GPHN: variants seen among roughly 807,000 people sequenced by gnomAD.
GPHN encodes the protein gephyrin.
Under a neutral mutation model 95.5 loss-of-function variants are expected in GPHN, and 17 were observed. The ratio of observed to expected loss-of-function variants is 0.18; its 90% CI spans 0.12 to 0.27. GPHN has a LOEUF of 0.27. Ranked by LOEUF, GPHN falls within the 10% of genes least tolerant of loss-of-function variation. The pLI is 1.00. For missense variants in GPHN, 660 were observed against 978.1 expected, an observed-to-expected ratio of 0.67 and a Z score of 4.34; for synonymous variants, 320 against 322.5, an observed-to-expected ratio of 0.99 and a Z score of 0.08.
chr14:66,902,330 ACTT>A (rs2065161019), intron 5 of GPHN, among the ~76,000 whole-genome samples: 1 of 151,948 alleles, frequency 6.6e-6, no homozygotes, highest in African/African-American at 2.4e-5. Flanking sequence ...GTCTACTTTC[ACTT>A]CTTCTCTTCC....
At chr14:66,591,513 T>G (rs904309502) in intron 1 of GPHN, among the ~76,000 whole-genome samples, 1 of 143,428 alleles carries the variant, frequency 7.0e-6, no homozygotes, top group Non-Finnish European at 1.5e-5. Flanking sequence ...ACATCAATAA[T>G]AGAGAAACAG....
At chr14:67,576,891 T>G in the GPHN span, among the ~76,000 whole-genome samples, 1 of 152,192 alleles carries the variant, frequency 6.6e-6, no homozygotes, top group African/African-American at 2.4e-5. The surrounding 1 kb of genome is among the most constrained non-coding windows in gnomAD (Gnocchi z 4.0). Context: ...TTTCTTTTGC[T>G]ACTGATTATC....
At chr14:66,678,168 G>A (rs1342731895) in intron 1 of GPHN, among the ~76,000 whole-genome samples, 2 of 152,148 alleles carry the variant, frequency 1.3e-5, no homozygotes, top group African/African-American at 4.8e-5. Context: ...ATTATTTTAC[G>A]AAATAAGTTT....
intron 4 of GPHN, among the ~76,000 whole-genome samples, chr14:66,839,346 G>T (rs1356465858): frequency 6.6e-6 from 1 of 152,166 alleles, no homozygotes; most frequent in Non-Finnish European, 1.5e-5. Context: ...TTATAGCCAT[G>T]AGTGCCACTG....
chr14:66,529,139 T>C lies in GPHN; in HGVS notation c.64+20548T>C, dbSNP rs549938879. Among the ~76,000 whole-genome samples, 3 of 152,288 alleles carry C rather than the reference T, an allele frequency of 2.0e-5. No homozygotes were observed. The East Asian group carries it at 5.8e-4, about 29-fold the overall frequency. ...TTTGGTCTTTGTTAACATAGTCCCATATTTCTTGGAGGCTTTGTTTGTTCC... is the reference window on the plus strand; with the variant it reads ...TTTGGTCTTTGTTAACATAGTCCCACATTTCTTGGAGGCTTTGTTTGTTCC... On this transcript the variant is annotated intron_variant, in intron 1 of 22. Coordinates refer to ENST00000478722, the MANE Select transcript of GPHN (RefSeq NM_020806.5).
the GPHN span, chr14:67,360,044 C>T: frequency 2.2e-6 from 1 of 450,296 alleles, no homozygotes. Flanking sequence ...GCGAAGCGTG[C>T]ACGCCTTGTC....
chr14:67,415,372 A>G, the GPHN span, among the ~76,000 whole-genome samples: 1 of 152,242 alleles, frequency 6.6e-6, no homozygotes, highest in Non-Finnish European at 1.5e-5. Context: ...ACTGAATTTA[A>G]TCATTCCCAT....
chr14:67,013,865 T>A (rs1002435322), intron 9 of GPHN, among the ~76,000 whole-genome samples: 4 of 152,002 alleles, frequency 2.6e-5, no homozygotes, highest in African/African-American at 9.7e-5. Context: ...ACTCAGTATT[T>A]CAAACTTCAT....
intron 9 of GPHN, among the ~76,000 whole-genome samples, chr14:66,976,011 T>TA (rs2070193338): frequency 6.6e-6 from 1 of 152,210 alleles, no homozygotes. Flanking sequence ...CAGTATCAAC[T>TA]AAAAAATATT....
At chr14:66,624,441 T>C (rs1195822964) in intron 1 of GPHN, among the ~76,000 whole-genome samples, 1 of 152,182 alleles carries the variant, frequency 6.6e-6, no homozygotes, top group East Asian at 1.9e-4. Context: ...GCTGATTTCA[T>C]GTACAAAGTT....
intron 17 of GPHN, among the ~76,000 whole-genome samples, chr14:67,122,581 A>G (rs888530247): frequency 6.6e-6 from 1 of 152,232 alleles, no homozygotes; most frequent in Admixed American, 6.5e-5. Flanking sequence ...AAACAAGAGA[A>G]ATACTTTACT....
At chr14:67,716,093 A>T in the GPHN span, among the ~76,000 whole-genome samples, 3 of 151,952 alleles carry the variant, frequency 2.0e-5, no homozygotes, top group African/African-American at 4.8e-5. Flanking sequence ...GCTACTCTGG[A>T]GACTGAGGCA....
the GPHN span, among the ~76,000 whole-genome samples, chr14:67,240,424 C>T: frequency 4.7e-4 from 72 of 152,274 alleles, 1 homozygote; most frequent in South Asian, 0.015. Context: ...ATGGCATATA[C>T]GAAGGCTTTG....
At chr14:66,717,542 T>C (rs1215658997) in intron 2 of GPHN, among the ~76,000 whole-genome samples, 1 of 152,180 alleles carries the variant, frequency 6.6e-6, no homozygotes, top group Admixed American at 6.5e-5. Flanking sequence ...TATCAATTGA[T>C]GGTGAGCTAG....
At chr14:66,944,687 AG>A (rs1481080421) in intron 8 of GPHN, among the ~76,000 whole-genome samples, 1 of 152,262 alleles carries the variant, frequency 6.6e-6, no homozygotes, top group Non-Finnish European at 1.5e-5. Flanking sequence ...AACTGCTAAT[AG>A]GGTGGAGAAA....
chr14:67,657,948 C>T, the GPHN span, among the ~76,000 whole-genome samples: 1 of 151,920 alleles, frequency 6.6e-6, no homozygotes, highest in Non-Finnish European at 1.5e-5. Flanking sequence ...AGGGTTTCAC[C>T]ATGTTGGCCA....
the GPHN span, chr14:67,575,415 G>A: frequency 8.7e-6 from 14 of 1,609,290 alleles, no homozygotes; most frequent in East Asian, 3.1e-4. Flanking sequence ...ACTCCAAGGT[G>A]GTCTGGTGCG....
the GPHN span, among the ~76,000 whole-genome samples, chr14:67,499,538 TG>T: frequency 6.6e-6 from 1 of 152,200 alleles, no homozygotes; most frequent in Non-Finnish European, 1.5e-5. Flanking sequence ...TGTGTTTAGA[TG>T]AAGTCAAATA....
chr14:67,138,570 G>T (rs1322811507), intron 17 of GPHN, among the ~76,000 whole-genome samples: 2 of 152,046 alleles, frequency 1.3e-5, no homozygotes, highest in African/African-American at 4.8e-5. Context: ...AAGAGTCTGG[G>T]GGAAGGAATA....
Sources: allele counts gnomAD v4.1 joint callset (sites outside exome capture counted in the v4.1 genomes callset), GRCh38; gene constraint gnomAD v4.1.1; non-coding constraint Gnocchi (gnomAD v3.1); transcripts MANE v1.5; gene names NCBI Gene and HGNC (gene_info 2026-07-23, HGNC 2026-07-21).